The following TMPRSS3 variants were observed in gnomAD, a reference collection of about 807,000 sequenced individuals.
TMPRSS3 encodes transmembrane protease serine 3.
TMPRSS3 carries 55 observed loss-of-function variants against 59.6 expected under a neutral mutation model. The observed-to-expected ratio is 0.92, with a 90% confidence interval of 0.74 to 1.16. The LOEUF is 1.16. Ranked by LOEUF, TMPRSS3 falls within the 50% of genes most tolerant of loss-of-function variation. The pLI, the probability that TMPRSS3 is intolerant of heterozygous loss-of-function variation, is 0.00. For synonymous variants in TMPRSS3, 257 were observed against 237.7 expected (o/e 1.08, Z -0.75); for missense variants, 596 against 579.4 (o/e 1.03, Z -0.29).
intron 10 of TMPRSS3, among the ~76,000 whole-genome samples, chr21:42,377,317 G>T (rs1001040154): frequency 2.6e-5 from 4 of 152,240 alleles, no homozygotes; most frequent in African/African-American, 9.6e-5. Flanking sequence ...ACCAGAGTCA[G>T]AGAGTCAGAG....
intron 9 of TMPRSS3, among the ~76,000 whole-genome samples, chr21:42,380,993 G>A (rs556273093): frequency 1.0e-3 from 153 of 152,280 alleles, no homozygotes; most frequent in Admixed American, 2.0e-3. Context: ...TCATTTTCCT[G>A]CTTCTCTGGA....
intron 2 of TMPRSS3, among the ~76,000 whole-genome samples, chr21:42,392,483 C>T (rs1195462138): frequency 6.6e-6 from 1 of 152,154 alleles, no homozygotes; most frequent in African/African-American, 2.4e-5. Context: ...TGGACAAGCT[C>T]AGTGGTTTGT....
chr21:42,392,321 A>C (rs1297516603), intron 2 of TMPRSS3, among the ~76,000 whole-genome samples: 1 of 152,214 alleles, frequency 6.6e-6, no homozygotes, highest in East Asian at 1.9e-4. Flanking sequence ...AAAGACATGG[A>C]ATGCGAGGAG....
At position 42,389,993 on chromosome 21, in the gene TMPRSS3, T is replaced by C; in HGVS notation, c.139A>G (p.Lys47Glu). The C allele has an allele frequency of 1.2e-6, 2 of 1,614,152 alleles. No individual in the cohort carries two copies. The highest frequency in any genetic ancestry group is 1.7e-6 in the Non-Finnish European group (2 of 1,179,996). Residue 47 changes from lysine to glutamate, a missense_variant, in exon 3 of 13, where the codon AAG becomes GAG. Lys to Glu is a moderately conservative substitution (Grantham distance 56). Transcript: ENST00000644384. ...AAQILSLLPL[K>E]FFPIIVIGII... ...CCAATGACGATGATTGGAAAAAACT[T>C]CAATGGCAGCAGTGACAGGATCTGT...
chr21:42,389,150 A>C, intron 3 of TMPRSS3, 105 bp from the exon 4 acceptor site: 1 of 1,563,166 alleles, frequency 6.4e-7, no homozygotes, highest in Non-Finnish European at 8.6e-7. Context: ...GTGAATAATG[A>C]AACCTGTATT....
At chr21:42,374,359 G>A (rs2052385236) in intron 12 of TMPRSS3, among the ~76,000 whole-genome samples, 1 of 152,238 alleles carries the variant, frequency 6.6e-6, no homozygotes, top group South Asian at 2.1e-4. Context: ...AGCTAGCCCA[G>A]GTCTCAGTCC....
intron 11 of TMPRSS3, 86 bp downstream of exon 11, chr21:42,376,455 T>C: frequency 6.3e-7 from 1 of 1,582,098 alleles, no homozygotes; most frequent in South Asian, 1.1e-5. Flanking sequence ...TTACTTTTTG[T>C]CCTGTCACAG....
In TMPRSS3 at chr21:42,383,086, C is replaced by T. The variant is rs747767404; in HGVS notation, c.729G>A (p.Gly243=). 1 of 1,614,172 alleles carries T rather than the reference C, an allele frequency of 6.2e-7. No homozygotes were observed. The highest frequency in any genetic ancestry group is 8.5e-7 in the Non-Finnish European group (1 of 1,180,032). ...TCCACAGGGGCGTGATGACAGAGCC[C>T]CCGCACAGGTGGTAGCCCTGGAACT... is the stretch of plus-strand genomic sequence containing the variant. The part of the protein sequence containing the change: ...SLQFQGYHLC[G]GSVITPLWII... The change falls in exon 8 of 13, where the codon GGG becomes GGA. Residue 243 remains glycine, a synonymous_variant. Coordinates refer to ENST00000644384, the MANE Select transcript of TMPRSS3 (RefSeq NM_001256317.3).
At chr21:42,389,593 T>G (rs1439551212) in intron 3 of TMPRSS3, among the ~76,000 whole-genome samples, 1 of 152,260 alleles carries the variant, frequency 6.6e-6, no homozygotes, top group Admixed American at 6.5e-5. Context: ...CTGCATTGCA[T>G]GAATAGGTCT....
chr21:42,389,823 A>T, intron 3 of TMPRSS3, 104 bp downstream of exon 3: 1 of 883,820 alleles, frequency 1.1e-6, no homozygotes, highest in Non-Finnish European at 1.9e-6. Flanking sequence ...TCCAGTAATT[A>T]AGGCTGGGCA....
chr21:42,375,688 C>G (rs769891652), intron 12 of TMPRSS3, 28 bp downstream of exon 12: 3 of 1,613,548 alleles, frequency 1.9e-6, no homozygotes, highest in Middle Eastern at 1.6e-4. Context: ...CCAGGGACAA[C>G]GTGAGCTGGG....
rs138052370 is a variant in TMPRSS3 at position 42,395,385 on chromosome 21, G to A, written c.33C>T (p.Ala11=). MGENDPPAVE[A]PFSFRSLFGL... ...CAAAAAGCGATCGGAATGAGAAGGG[G>A]GCTTCAACAGCAGGCGGATCATTTT... Residue 11 remains alanine, a synonymous_variant, in exon 2 of 13, where the codon GCC becomes GCT. Transcript: ENST00000644384. The A allele has an allele frequency of 2.2e-5, 35 of 1,614,122 alleles. No homozygotes were observed. In the African/African-American group the frequency reaches 3.7e-4, roughly 17 times the overall value.
At chr21:42,376,799 G>A in intron 10 of TMPRSS3, 116 bp from the exon 11 acceptor site, 1 of 1,507,750 alleles carries the variant, frequency 6.6e-7, no homozygotes, top group Non-Finnish European at 9.1e-7. Context: ...ATGCTCTCTG[G>A]TGTGTCGCAA....
chr21:42,376,124 C>G (rs1048561938), intron 11 of TMPRSS3, among the ~76,000 whole-genome samples: 4 of 152,190 alleles, frequency 2.6e-5, no homozygotes, highest in African/African-American at 9.7e-5. Context: ...AGACCCTGAC[C>G]CTCTGAAGCT....
intron 7 of TMPRSS3, chr21:42,383,569 C>T (rs1282284899): frequency 9.9e-6 from 5 of 505,116 alleles, no homozygotes; most frequent in Non-Finnish European, 1.8e-5. Flanking sequence ...CACGCACCTC[C>T]CTGACTGCTC....
chr21:42,390,344 G>C (rs1030902669), intron 2 of TMPRSS3: 4 of 381,366 alleles, frequency 1.0e-5, no homozygotes, highest in Admixed American at 3.7e-5. Context: ...ATCTTATTTG[G>C]AGATGGCCTG....
chr21:42,382,117 C>A lies in TMPRSS3; in HGVS notation c.900G>T (p.Arg300Ser), dbSNP rs764821256. The A allele has an allele frequency of 1.9e-6, 3 of 1,614,222 alleles. No individual in the cohort carries two copies. Among genetic ancestry groups the A allele is most frequent in the African/African-American group, 1.3e-5 (1 of 75,056 alleles). ...TCATAAGGGCGATGTCATTGCCCAG[C>A]CTCTTTGGCTTGTACTTGCTGTGGT... is the stretch of plus-strand genomic sequence containing the variant. Reference protein sequence around the residue: ...IVYHSKYKPKRLGNDIALMKL... With the variant: ...IVYHSKYKPKSLGNDIALMKL... The change falls in exon 9 of 13, where the codon AGG becomes AGT. Residue 300 changes from arginine (R) to serine (S), a missense_variant. By Grantham distance (110) the Arg-to-Ser change is moderately radical. Transcript: ENST00000644384.
At chr21:42,379,307 T>C (rs1352929217) in intron 10 of TMPRSS3, among the ~76,000 whole-genome samples, 3 of 152,032 alleles carry the variant, frequency 2.0e-5, no homozygotes, top group Non-Finnish European at 4.4e-5. Flanking sequence ...GGATTACAGG[T>C]GCATGCCACC....
chr21:42,376,693 A>G lies in TMPRSS3; in HGVS notation c.1049-10T>C, dbSNP rs1234690888. On this transcript the variant is annotated splice_polypyrimidine_tract_variant and intron_variant, in intron 10 of 12. Transcript: ENST00000644384. ...ACAGGGGAGGCGTCACCTGCTTCAAAGTGAGTGAGGGGATGTGTGTGAGAA... is the reference window on the plus strand; with the variant it reads ...ACAGGGGAGGCGTCACCTGCTTCAAGGTGAGTGAGGGGATGTGTGTGAGAA... The G allele has an allele frequency of 1.2e-6, 2 of 1,613,920 alleles. No individual in the cohort carries two copies. Among genetic ancestry groups the G allele is most frequent in the Admixed American group, 3.3e-5 (2 of 60,028 alleles).
Sources: allele counts gnomAD v4.1 joint callset (sites outside exome capture counted in the v4.1 genomes callset), GRCh38; gene constraint gnomAD v4.1.1; transcripts MANE v1.5; gene names NCBI Gene and HGNC (gene_info 2026-07-23, HGNC 2026-07-21).